The following SMARCA1 variants were observed in gnomAD, a reference collection of about 807,000 sequenced individuals.
The protein encoded by SMARCA1 is SNF2 related chromatin remodeling ATPase 1.
SMARCA1 carries 17 observed loss-of-function variants against 93.6 expected under a neutral mutation model. That is an observed-to-expected ratio of 0.18 (90% CI 0.12 to 0.27). The LOEUF is 0.27. SMARCA1 is among the 10% of genes least tolerant of loss of function. SMARCA1 has a pLI of 1.00. For synonymous variants in SMARCA1, 271 were observed against 271.4 expected (o/e 1.00, Z 0.01); for missense variants, 630 against 819.0 (o/e 0.77, Z 2.82).
chrX:129,490,602 A>G (rs1934083893), intron 14 of SMARCA1, among the ~76,000 whole-genome samples: 1 of 111,956 alleles, frequency 8.9e-6, no homozygotes, highest in South Asian at 3.7e-4. Flanking sequence ...TTACTGAGGG[A>G]TATGCAGTAA....
In SMARCA1 at chrX:129,480,712, T is replaced by C; in HGVS notation, c.2431A>G (p.Ile811Val). The C allele has an allele frequency of 4.7e-6, 5 of 1,071,960 alleles. No individual in the cohort carries two copies. The highest frequency in any genetic ancestry group is 2.4e-5 in the South Asian group (1 of 41,264). 88.3% of individuals were successfully genotyped at this position (1,071,960 alleles called of 1,213,427 possible). A position where few individuals can be genotyped will look rare whatever the true frequency, so the allele number is the denominator to read the frequency against. The change falls in exon 19 of 25, where the codon ATA (isoleucine) becomes GTA (valine). Residue 811 changes from isoleucine to valine, a missense_variant. Ile to Val is a conservative substitution (Grantham distance 29). Around this residue, in one of 4 missense-constraint regions of SMARCA1, gnomAD observed 52 missense variants for 38.3 expected, o/e 1.36. Coordinates refer to ENST00000371121, the MANE Select transcript of SMARCA1 (RefSeq NM_001282874.2). The stretch of plus-strand genomic sequence containing the variant: ...AATGGAAAAAATACCTTATAGCCTA[T>C]TGTCTTCCGATAATAAAGAATTTCC... Reference protein sequence around the residue: ...EKEILYYRKTIGYKVPRNPDI... With the variant: ...EKEILYYRKTVGYKVPRNPDI...
rs777488247 is a variant in SMARCA1, at chrX:129,512,002, G to GA, written c.631-20dup. 48 of 1,126,384 alleles carry GA rather than the reference G, an allele frequency of 4.3e-5. No homozygotes were observed. The highest frequency in any genetic ancestry group is 3.1e-4 in the East Asian group (10 of 32,134). The allele number at this position is 1,126,384 out of a possible 1,213,427, so 92.8% of individuals were successfully genotyped here. A position where few individuals can be genotyped will look rare whatever the true frequency, so the allele number is the denominator to read the frequency against. On this transcript the variant is annotated intron_variant, in intron 5 of 24. Coordinates refer to ENST00000371121, the MANE Select transcript of SMARCA1 (RefSeq NM_001282874.2). The stretch of plus-strand genomic sequence containing the variant: ...CAAGGCCCTGCATTATCATCACAAG[G>GA]AAAAAAATCCATGAACATTTTTTCT...
chrX:129,463,639 C>T (rs1932843586), intron 23 of SMARCA1, among the ~76,000 whole-genome samples: 1 of 111,518 alleles, frequency 9.0e-6, no homozygotes, highest in Non-Finnish European at 1.9e-5. Flanking sequence ...ACATTTATCC[C>T]TATTAAATGT....
At position 129,516,384 on chromosome X, in the gene SMARCA1, C is replaced by A; in HGVS notation, c.375G>T (p.Leu125Phe). 6 of 1,209,515 alleles carry A rather than the reference C, an allele frequency of 5.0e-6. No individual in the cohort carries two copies. The highest frequency in any genetic ancestry group is 5.6e-6 in the Non-Finnish European group (5 of 893,904). ...CATCTTTCTTTATTCGGGGACGTCC[C>A]AATTTCATGTTCAGTGGAGATGTTG... ...KSPTSPLNMK[L>F]GRPRIKKDEK... is the part of the protein sequence containing the mutation. Residue 125 changes from leucine to phenylalanine, a missense_variant, in exon 3 of 25, where the codon TTG (leucine) becomes TTT (phenylalanine). Coordinates refer to ENST00000371121, the MANE Select transcript of SMARCA1 (RefSeq NM_001282874.2).
intron 10 of SMARCA1, among the ~76,000 whole-genome samples, chrX:129,498,293 T>G (rs1934413991): frequency 8.9e-6 from 1 of 112,065 alleles, no homozygotes. Context: ...GACAAGAAAC[T>G]GCCATCAGTT....
chrX:129,450,351 T>C (rs1932228728), intron 23 of SMARCA1, among the ~76,000 whole-genome samples: 1 of 112,027 alleles, frequency 8.9e-6, no homozygotes, highest in Non-Finnish European at 1.9e-5. Context: ...CCAGCCCTGC[T>C]GGCACCTTGA....
At chrX:129,495,564 G>A (rs932498258) in intron 12 of SMARCA1, among the ~76,000 whole-genome samples, 2 of 109,848 alleles carry the variant, frequency 1.8e-5, no homozygotes, top group Non-Finnish European at 3.8e-5. Flanking sequence ...TGTAGAGACC[G>A]GGTCTCGCTA....
chrX:129,487,735 T>C (rs952314592), intron 16 of SMARCA1, among the ~76,000 whole-genome samples: 3 of 112,357 alleles, frequency 2.7e-5, no homozygotes, highest in African/African-American at 9.7e-5. Flanking sequence ...TTTTAAAAGA[T>C]AGAGATGAAA....
intron 16 of SMARCA1, among the ~76,000 whole-genome samples, chrX:129,488,455 T>C (rs1257460310): frequency 9.4e-6 from 1 of 106,289 alleles, no homozygotes; most frequent in Non-Finnish European, 1.9e-5. Context: ...AAAAAGAAAA[T>C]TAATTAGATG....
intron 19 of SMARCA1, among the ~76,000 whole-genome samples, chrX:129,473,996 A>G (rs1248833480): frequency 8.9e-6 from 1 of 111,981 alleles, no homozygotes; most frequent in Non-Finnish European, 1.9e-5. Flanking sequence ...GGATAATGAC[A>G]TGCATGTTGA....
chrX:129,464,050 G>A (rs1432115459), intron 23 of SMARCA1, among the ~76,000 whole-genome samples: 1 of 112,105 alleles, frequency 8.9e-6, no homozygotes, highest in Non-Finnish European at 1.9e-5. Flanking sequence ...CTGGATCATG[G>A]CTTGGTCTAA....
chrX:129,522,180 C>T (rs1404507749), intron 1 of SMARCA1, among the ~76,000 whole-genome samples: 1 of 111,653 alleles, frequency 9.0e-6, no homozygotes, highest in Non-Finnish European at 1.9e-5. Flanking sequence ...GTTTTATTTG[C>T]ATGTCTCGGG....
At chrX:129,495,939 AT>A (rs1286331684) in intron 12 of SMARCA1, among the ~76,000 whole-genome samples, 154 of 99,410 alleles carry the variant, frequency 1.5e-3, no homozygotes, top group Non-Finnish European at 2.5e-3. Flanking sequence ...CACCCAGCTA[AT>A]TTTTTTTTTT....
intron 1 of SMARCA1, among the ~76,000 whole-genome samples, chrX:129,519,695 C>A (rs1935321696): frequency 9.0e-6 from 1 of 111,428 alleles, no homozygotes; most frequent in South Asian, 3.7e-4. Flanking sequence ...TGAATGTAAT[C>A]CTGGATGGAT....
intron 17 of SMARCA1, among the ~76,000 whole-genome samples, chrX:129,482,165 A>T (rs1382996587): frequency 1.4e-5 from 1 of 73,873 alleles, no homozygotes; most frequent in Non-Finnish European, 2.5e-5. Flanking sequence ...GGAATATCAC[A>T]CTCTGGGGAC....
intron 3 of SMARCA1, 136 bp from the exon 4 acceptor site, chrX:129,516,130 G>C: frequency 5.0e-6 from 3 of 594,434 alleles, no homozygotes; most frequent in African/African-American, 2.3e-5. Flanking sequence ...AGTAGAACCA[G>C]CCTACATTTT....
intron 23 of SMARCA1, among the ~76,000 whole-genome samples, chrX:129,452,905 G>A (rs1428717518): frequency 8.9e-6 from 1 of 111,904 alleles, no homozygotes; most frequent in African/African-American, 3.3e-5. Context: ...ATGTCTCTGT[G>A]TCACATGTTG....
chrX:129,460,715 T>C (rs1211154814), intron 23 of SMARCA1, among the ~76,000 whole-genome samples: 2 of 111,576 alleles, frequency 1.8e-5, no homozygotes, highest in Non-Finnish European at 3.8e-5. Context: ...AAGCAGCAAA[T>C]AGAAGTGTTA....
intron 16 of SMARCA1, among the ~76,000 whole-genome samples, chrX:129,488,286 CAAAAA>C (rs34476497): frequency 7.1e-4 from 33 of 46,702 alleles, no homozygotes; most frequent in African/African-American, 2.1e-3. Flanking sequence ...TAGTCCAGTG[CAAAAA>C]AAAAAAAAAA....
Sources: gnomAD v4.1 joint callset for allele counts (sites outside exome capture counted in the v4.1 genomes callset) on GRCh38, gnomAD v4.1.1 for gene constraint, gnomAD v4.1.1 regional missense constraint, MANE v1.5 for transcripts, NCBI Gene and HGNC (gene_info 2026-07-23, HGNC 2026-07-21) for gene names.